Variants in WWOX observed in about 807,000 individuals in gnomAD.
The protein encoded by WWOX is WW domain containing oxidoreductase, also known as WW domain-containing oxidoreductase.
Under a neutral mutation model 46.2 loss-of-function variants are expected in WWOX, and 69 were observed. The ratio of observed to expected loss-of-function variants is 1.49; its 90% confidence interval spans 1.23 to 1.82. WWOX has a LOEUF of 1.82. Among genes scored for constraint, WWOX ranks in the 40% most tolerant of loss-of-function variants. The pLI is 0.00. For synonymous variants in WWOX, 359 were observed against 202.6 expected, an observed-to-expected ratio of 1.77 and a Z score of -6.56; for missense variants, 919 against 542.6, an observed-to-expected ratio of 1.69 and a Z score of -6.89.
intron 8 of WWOX, among the ~76,000 whole-genome samples, chr16:79,087,901 T>C (rs776515842): frequency 6.6e-6 from 1 of 152,180 alleles, no homozygotes; most frequent in Non-Finnish European, 1.5e-5. Context: ...AAGGATGTTC[T>C]GGACTCAAGG....
rs112963247 is a variant in WWOX, at chr16:78,913,660, GTT to G, written c.1057-297937_1057-297936del. On this transcript the variant is annotated intron_variant, in intron 8 of 8. Transcript: ENST00000566780. ...CAATACCTGTGCTCATACTGCTACA[GTT>G]TTTTTTTTTTCTTTTTAGTGACTGG... is the stretch of plus-strand genomic sequence containing the variant. Among the ~76,000 whole-genome samples the G allele has an allele frequency of 6.8e-3, 1,000 of 147,118 alleles. 11 individuals are homozygous for G. The highest frequency in any genetic ancestry group is 0.023 in the African/African-American group (943 of 40,268).
At chr16:78,371,899 T>G (rs755243241) in intron 5 of WWOX, among the ~76,000 whole-genome samples, 14 of 152,206 alleles carry the variant, frequency 9.2e-5, no homozygotes, top group Admixed American at 2.6e-4. Context: ...TTCTGATGTT[T>G]TAATAGCTTA....
chr16:78,690,825 C>G (rs1167739862), intron 8 of WWOX, among the ~76,000 whole-genome samples: 1 of 152,168 alleles, frequency 6.6e-6, no homozygotes, highest in Non-Finnish European at 1.5e-5. Context: ...GCGTATGTTT[C>G]AAGAGCTCCA....
At chr16:78,320,056 G>T (rs1396812595) in intron 5 of WWOX, among the ~76,000 whole-genome samples, 2 of 152,178 alleles carry the variant, frequency 1.3e-5, no homozygotes, top group African/African-American at 4.8e-5. Flanking sequence ...ATATTTGGGT[G>T]AGAGTATTTG....
intron 8 of WWOX, among the ~76,000 whole-genome samples, chr16:79,019,188 A>AAAAAAAG (rs2047480895): frequency 1.3e-4 from 8 of 60,912 alleles, no homozygotes; most frequent in African/African-American, 3.0e-4. Context: ...AAAAAAAAGA[A>AAAAAAAG]AAAAAAAAGT....
chr16:78,960,905 G>A (rs1035284392), intron 8 of WWOX, among the ~76,000 whole-genome samples: 6 of 152,212 alleles, frequency 3.9e-5, no homozygotes, highest in Non-Finnish European at 2.9e-5. Flanking sequence ...AAGTAAAGAA[G>A]TTCAGAACCT....
rs1339637394 is a variant in WWOX, at chr16:78,802,938, A to C, written c.1056+370186A>C. 1.2e-3 allele frequency among the ~76,000 whole-genome samples: 113 copies of C among 97,788 alleles called. 6 individuals carry two copies. The highest frequency in any genetic ancestry group is 5.1e-3 in the African/African-American group (111 of 21,890). The allele number at this position is 97,788 out of a possible 152,430, so 64.2% of individuals were successfully genotyped here. ...CTGAAAAAAAAAAAAAAAAAAAAAA[A>C]AAAACAACAAACAGAAAAATGAACG... On this transcript the variant is annotated intron_variant, in intron 8 of 8. Coordinates refer to ENST00000566780, the MANE Select transcript of WWOX (RefSeq NM_016373.4).
At chr16:78,105,638 A>G (rs959538963) in intron 1 of WWOX, among the ~76,000 whole-genome samples, 1 of 152,072 alleles carries the variant, frequency 6.6e-6, no homozygotes, top group African/African-American at 2.4e-5. Context: ...TCCTTTGGAA[A>G]GTATTCATTC....
chr16:78,853,140 C>T (rs143237204), intron 8 of WWOX, among the ~76,000 whole-genome samples: 16 of 152,260 alleles, frequency 1.1e-4, no homozygotes, highest in South Asian at 2.1e-4. Context: ...TTGTACTATA[C>T]GTTATAACAA....
chr16:79,026,613 T>A (rs1442860299), intron 8 of WWOX, among the ~76,000 whole-genome samples: 1 of 130,428 alleles, frequency 7.7e-6, no homozygotes, highest in Non-Finnish European at 1.6e-5. Context: ...TGTGGTAGAC[T>A]CTTTTTTTTT....
chr16:78,702,007 T>TTATATACATATATATA, intron 8 of WWOX, among the ~76,000 whole-genome samples: 1 of 57,626 alleles, frequency 1.7e-5, no homozygotes, highest in East Asian at 5.5e-4. Context: ...CTACATAAAA[T>TTATATACATATATATA]TATATATATA....
At chr16:79,104,786 C>G (rs766373086) in intron 8 of WWOX, among the ~76,000 whole-genome samples, 1 of 152,234 alleles carries the variant, frequency 6.6e-6, no homozygotes, top group South Asian at 2.1e-4. Flanking sequence ...CAAGAATGCA[C>G]GCTGGGAATT....
chr16:79,040,762 C>G (rs180943310), intron 8 of WWOX, among the ~76,000 whole-genome samples: 66 of 152,222 alleles, frequency 4.3e-4, no homozygotes, highest in Middle Eastern at 3.4e-3. Context: ...GCCAGGGAAC[C>G]TGACACTCTT....
At chr16:78,874,076 C>G (rs1344369170) in intron 8 of WWOX, among the ~76,000 whole-genome samples, 1 of 150,676 alleles carries the variant, frequency 6.6e-6, no homozygotes, top group East Asian at 2.0e-4. Context: ...CCTGACCAAC[C>G]CTGTCTCTAC....
chr16:78,922,977 C>CTGTTT lies in WWOX; in HGVS notation c.1057-288630_1057-288629insGTTTT, dbSNP rs1313266562. 1.1e-4 allele frequency among the ~76,000 whole-genome samples: 3 copies of CTGTTT among 27,978 alleles called. No homozygotes were observed. In the Admixed American group the frequency reaches 1.8e-3, roughly 17 times the overall value. 18.4% of individuals were successfully genotyped at this position (27,978 alleles called of 152,430 possible). On this transcript the variant is annotated intron_variant, in intron 8 of 8. Coordinates refer to ENST00000566780, the MANE Select transcript of WWOX (RefSeq NM_016373.4). ...CCATATTCAGGAGGCATAATTCTTT[C>CTGTTT]TCTTTTCTTTTTTTTTTTTTTGAGA...
chr16:78,322,716 A>G lies in WWOX; in HGVS notation c.517-64144A>G, dbSNP rs187114846. Reference sequence around the variant, plus strand: ...TACTCTGTGGAGCAGGGGCAGGCAAACATTTTCTGTAAGGGAGAGACAGTA... The same window carrying G: ...TACTCTGTGGAGCAGGGGCAGGCAAGCATTTTCTGTAAGGGAGAGACAGTA... On this transcript the variant is annotated intron_variant, in intron 5 of 8. Transcript: ENST00000566780. Among the ~76,000 whole-genome samples the G allele has an allele frequency of 1.1e-4, 16 of 152,310 alleles. 1 individual carries two copies. The East Asian group carries it at 2.9e-3, about 28-fold the overall frequency.
intron 8 of WWOX, among the ~76,000 whole-genome samples, chr16:79,028,486 G>C (rs1048983861): frequency 2.6e-5 from 4 of 151,658 alleles, no homozygotes; most frequent in Non-Finnish European, 5.9e-5. Context: ...ACAAATTGTA[G>C]GCTGCAAATC....
At chr16:78,753,791 G>C (rs57906846) in intron 8 of WWOX, among the ~76,000 whole-genome samples, 3,813 of 91,764 alleles carry the variant, frequency 0.042, 132 homozygotes, top group African/African-American at 0.12. Flanking sequence ...GACAGGGCAA[G>C]ACCCTATATC....
chr16:79,181,255 G>A (rs879686429), intron 8 of WWOX, among the ~76,000 whole-genome samples: 23 of 152,256 alleles, frequency 1.5e-4, no homozygotes, highest in South Asian at 8.3e-4. Context: ...TACGGAACAC[G>A]TATAGATCAA....
Sources: gnomAD v4.1 joint callset for allele counts (sites outside exome capture counted in the v4.1 genomes callset) on GRCh38, gnomAD v4.1.1 for gene constraint, MANE v1.5 for transcripts, NCBI Gene and HGNC (gene_info 2026-07-23, HGNC 2026-07-21) for gene names.